ADAMTS6: variants seen among roughly 807,000 people sequenced by gnomAD.
The protein encoded by ADAMTS6 is ADAM metallopeptidase with thrombospondin type 1 motif 6.
Under a neutral mutation model 144.3 loss-of-function variants are expected in ADAMTS6, and 23 were observed. The ratio of observed to expected loss-of-function variants is 0.16; its 90% CI spans 0.11 to 0.23. The LOEUF is 0.23. Among genes scored for constraint, ADAMTS6 ranks in the 10% least tolerant of loss-of-function variants. The probability of loss-of-function intolerance (pLI) is 1.00; values close to 1 mark genes in which losing one functional copy is unlikely to be tolerated. For synonymous variants in ADAMTS6, 444 were observed against 457.5 expected, an observed-to-expected ratio of 0.97 and a Z score of 0.38; for missense variants, 999 against 1,379.6, an observed-to-expected ratio of 0.72 and a Z score of 4.37.
At chr5:65,298,310 AC>A (rs771741409) in intron 10 of ADAMTS6, among the ~76,000 whole-genome samples, 4 of 152,130 alleles carry the variant, frequency 2.6e-5, no homozygotes, top group Non-Finnish European at 5.9e-5. Context: ...ACAAAACAAA[AC>A]AAAAAAACAA....
At chr5:65,461,441 G>T (rs981706685) in intron 3 of ADAMTS6, among the ~76,000 whole-genome samples, 1 of 152,180 alleles carries the variant, frequency 6.6e-6, no homozygotes, top group African/African-American at 2.4e-5. Context: ...ATAGAACTTT[G>T]TTGATGAAAA....
chr5:65,159,589 T>C (rs775987078), intron 24 of ADAMTS6, among the ~76,000 whole-genome samples: 17 of 152,232 alleles, frequency 1.1e-4, no homozygotes, highest in Middle Eastern at 6.3e-3. Flanking sequence ...GCTTGCCTTC[T>C]CTGTGATGCT....
intron 12 of ADAMTS6, among the ~76,000 whole-genome samples, chr5:65,267,162 G>C (rs1192137167): frequency 1.3e-5 from 2 of 152,000 alleles, no homozygotes; most frequent in African/African-American, 4.8e-5. Context: ...ACCTGTAAAA[G>C]CTCTATTTAC....
chr5:65,480,509 A>T (rs1761129896), intron 1 of ADAMTS6, among the ~76,000 whole-genome samples: 1 of 152,188 alleles, frequency 6.6e-6, no homozygotes, highest in Admixed American at 6.5e-5. Flanking sequence ...AAATAAAAAC[A>T]AGAGTAAGAA....
intron 3 of ADAMTS6, among the ~76,000 whole-genome samples, chr5:65,466,265 C>T (rs760636876): frequency 2.0e-5 from 3 of 152,154 alleles, no homozygotes; most frequent in Non-Finnish European, 4.4e-5. Flanking sequence ...CATTATTCTC[C>T]CTCCCTTTCT....
Position 65,473,803 on chromosome 5 carries a change from GT to G in ADAMTS6, c.-131del, listed in dbSNP as rs1760648532. The G allele has an allele frequency of 3.1e-6, 2 of 642,884 alleles. No homozygotes were observed. The highest frequency in any genetic ancestry group is 5.5e-6 in the Non-Finnish European group (2 of 363,454). The allele number at this position is 642,884 out of a possible 1,614,324, so 39.8% of individuals were successfully genotyped here. On this transcript the variant is annotated 5_prime_UTR_variant, in exon 2 of 25. An upstream open reading frame in the 5' UTR loses its in-frame stop. Coordinates refer to ENST00000381055, the MANE Select transcript of ADAMTS6 (RefSeq NM_197941.4). ...CAAATTAGTTATTGGATGTTCCACT[GT>G]TTAAGAGCCACTTTTATCCAACATC...
At chr5:65,349,754 C>A (rs1010524320) in intron 7 of ADAMTS6, among the ~76,000 whole-genome samples, 1 of 151,466 alleles carries the variant, frequency 6.6e-6, no homozygotes, top group Admixed American at 6.6e-5. Context: ...ACTTGGGAGG[C>A]TGAGACAAGA....
intron 7 of ADAMTS6, among the ~76,000 whole-genome samples, chr5:65,425,531 T>C (rs1002082831): frequency 6.6e-6 from 1 of 152,220 alleles, no homozygotes; most frequent in Non-Finnish European, 1.5e-5. Flanking sequence ...GGCTTTCACG[T>C]AGAATAGTCC....
At chr5:65,176,742 T>C (rs1212865695) in intron 22 of ADAMTS6, among the ~76,000 whole-genome samples, 1 of 152,238 alleles carries the variant, frequency 6.6e-6, no homozygotes, top group East Asian at 1.9e-4. Flanking sequence ...TTAACATTAA[T>C]AGCACAGTAA....
Position 65,357,790 on chromosome 5 carries a change from G to A in ADAMTS6, c.1074-23705C>T, listed in dbSNP as rs377722620. Among the ~76,000 whole-genome samples, 72 of 151,822 alleles carry A rather than the reference G, an allele frequency of 4.7e-4. No individual in the cohort carries two copies. In the South Asian group the frequency reaches 8.7e-3, roughly 18 times the overall value. On this transcript the variant is annotated intron_variant, in intron 7 of 24. Transcript: ENST00000381055. ...TAACCTATCATGACTGAATCATGAT[G>A]AAATACAAACTCTAACAGACAAATA...
chr5:65,323,776 C>T (rs1745885560), intron 9 of ADAMTS6, among the ~76,000 whole-genome samples: 1 of 152,120 alleles, frequency 6.6e-6, no homozygotes, highest in African/African-American at 2.4e-5. Flanking sequence ...TTCTTCAGCA[C>T]CTGTTGTTTC....
At chr5:65,272,842 GC>G (rs1375445082) in intron 12 of ADAMTS6, among the ~76,000 whole-genome samples, 1 of 151,334 alleles carries the variant, frequency 6.6e-6, no homozygotes, top group African/African-American at 2.4e-5. Flanking sequence ...GATTGCTTGA[GC>G]CCCAGAGGTG....
chr5:65,316,164 G>A (rs747433796), intron 9 of ADAMTS6, among the ~76,000 whole-genome samples: 5 of 152,036 alleles, frequency 3.3e-5, no homozygotes, highest in Non-Finnish European at 7.4e-5. Context: ...CGCCCACCTC[G>A]GCTTCCCAAA....
intron 24 of ADAMTS6, among the ~76,000 whole-genome samples, chr5:65,161,030 C>T (rs1023724889): frequency 6.6e-6 from 1 of 151,648 alleles, no homozygotes; most frequent in Admixed American, 6.6e-5. Context: ...CCTCTTCTCT[C>T]TCTCTTTTTA....
Position 65,452,141 on chromosome 5 carries a change from C to G in ADAMTS6, c.919G>C (p.Glu307Gln), listed in dbSNP as rs544491563. The change falls in exon 6 of 25, where the codon GAA (glutamate) becomes CAA (glutamine). Residue 307 changes from glutamate (E) to glutamine (Q), a missense_variant. Glu to Gln is a conservative substitution (Grantham distance 29). Around this residue, in one of 3 missense-constraint regions of ADAMTS6, gnomAD observed 128 missense variants for 249.0 expected, o/e 0.51. Transcript: ENST00000381055. ...AACTAACTCATTCTTACCTGATCTTCTGTGAGAACAATTAAGCGGGCCACT... is the reference window on the plus strand; with the variant it reads ...AACTAACTCATTCTTACCTGATCTTGTGTGAGAACAATTAAGCGGGCCACT... The part of the protein sequence containing the change: ...IIVARLIVLT[E>Q]DQPNLEINHH... 6.2e-7 allele frequency: 1 copy of G among 1,608,966 alleles called. No homozygotes were observed. Among genetic ancestry groups the G allele is most frequent in the African/African-American group, 1.3e-5 (1 of 74,928 alleles).
rs1401160192 is a variant in ADAMTS6, at chr5:65,451,694, G to A, written c.928-74C>T. Reference sequence around the variant, plus strand: ...TCAGTTGTTAAAACTTTTGAAGACTGAAGTGGGACTATAATTAGAAGCAGT... The same window carrying A: ...TCAGTTGTTAAAACTTTTGAAGACTAAAGTGGGACTATAATTAGAAGCAGT... On this transcript the variant is annotated intron_variant, in intron 6 of 24. Transcript: ENST00000381055. The A allele has an allele frequency of 2.6e-6, 4 of 1,526,432 alleles. No homozygotes were observed. The African/African-American group carries it at 4.2e-5, about 16-fold the overall frequency. 94.6% of individuals were successfully genotyped at this position (1,526,432 alleles called of 1,614,324 possible).
intron 11 of ADAMTS6, among the ~76,000 whole-genome samples, chr5:65,277,581 A>T (rs1762642387): frequency 6.6e-6 from 1 of 151,378 alleles, no homozygotes; most frequent in African/African-American, 2.4e-5. Context: ...TTTTTCCATA[A>T]AACTAATGCT....
At chr5:65,230,890 A>C (rs542446507) in intron 15 of ADAMTS6, among the ~76,000 whole-genome samples, 1 of 145,552 alleles carries the variant, frequency 6.9e-6, no homozygotes, top group East Asian at 2.0e-4. Context: ...AATATATATA[A>C]AATACATATA....
chr5:65,471,633 C>T lies in ADAMTS6; in HGVS notation c.98-491G>A, dbSNP rs528657745. On this transcript the variant is annotated intron_variant, in intron 2 of 24. Coordinates refer to ENST00000381055, the MANE Select transcript of ADAMTS6 (RefSeq NM_197941.4). The stretch of plus-strand genomic sequence containing the variant: ...ATTATCCGGGCGTTGCGGCACACGC[C>T]TGTAGTCTCAGCTACTCTGGATGCT... 7.9e-5 allele frequency among the ~76,000 whole-genome samples: 12 copies of T among 152,250 alleles called. No individual in the cohort carries two copies. In the East Asian group the frequency reaches 2.3e-3, roughly 29 times the overall value.
Sources: gnomAD v4.1 joint callset for allele counts (sites outside exome capture counted in the v4.1 genomes callset) on GRCh38, gnomAD v4.1.1 for gene constraint, gnomAD v4.1.1 regional missense constraint, MANE v1.5 for transcripts, NCBI Gene and HGNC (gene_info 2026-07-23, HGNC 2026-07-21) for gene names.